WRN: variants seen among roughly 807,000 people sequenced by gnomAD.
WRN encodes WRN RecQ like helicase, also known as bifunctional 3'-5' exonuclease/ATP-dependent helicase WRN.
A neutral mutation model predicts 180.7 loss-of-function variants in WRN; 149 were observed. The ratio of observed to expected loss-of-function variants is 0.82; its 90% confidence interval spans 0.72 to 0.94. WRN has a LOEUF of 0.94. Among genes scored for constraint, WRN ranks in the 40% least tolerant of loss-of-function variants. WRN has a pLI of 0.00. For missense variants in WRN, 1,661 were observed against 1,700.1 expected (o/e 0.98, Z 0.40); for synonymous variants, 548 against 568.9 (o/e 0.96, Z 0.52).
At chr8:31,096,965 T>C (rs1464938258) in intron 17 of WRN, 115 bp downstream of exon 17, 5 of 960,420 alleles carry the variant, frequency 5.2e-6, no homozygotes, top group South Asian at 4.1e-5. Flanking sequence ...CATTACTTCC[T>C]CCAGGAAATC....
At chr8:31,120,097 G>A in intron 20 of WRN, 146 bp from the exon 21 acceptor site, 2 of 911,270 alleles carry the variant, frequency 2.2e-6, no homozygotes, top group Non-Finnish European at 3.5e-6. Context: ...CAGATAATCT[G>A]TAAATGATTG....
chr8:31,170,806 A>G (rs1302533936), intron 34 of WRN, among the ~76,000 whole-genome samples: 1 of 152,152 alleles, frequency 6.6e-6, no homozygotes, highest in Admixed American at 6.5e-5. Flanking sequence ...TCAAATACTT[A>G]TTGTTGACAC....
intron 34 of WRN, among the ~76,000 whole-genome samples, chr8:31,172,211 A>G (rs1233706756): frequency 6.6e-6 from 1 of 152,066 alleles, no homozygotes; most frequent in Non-Finnish European, 1.5e-5. Flanking sequence ...GCTGGAGTGC[A>G]GTGGCGTGAT....
intron 1 of WRN, among the ~76,000 whole-genome samples, chr8:31,052,093 C>T (rs1020667046): frequency 2.0e-5 from 3 of 152,124 alleles, no homozygotes; most frequent in African/African-American, 7.2e-5. Flanking sequence ...CCTGTAAGGC[C>T]TAGAATAGTT....
At chr8:31,157,247 G>C (rs1329028516) in intron 32 of WRN, 121 bp from the exon 33 acceptor site, 1 of 1,395,274 alleles carries the variant, frequency 7.2e-7, no homozygotes, top group South Asian at 1.2e-5. Flanking sequence ...TTAAGTAAAG[G>C]TTTAGTTCAT....
chr8:31,111,789 G>A lies in WRN; in HGVS notation c.2263G>A (p.Val755Ile), dbSNP rs769448856. Residue 755 changes from valine (V) to isoleucine (I), a missense_variant, in exon 19 of 35, where the codon GTC becomes ATC. Physicochemically the swap from Val to Ile is conservative, Grantham distance 29. Coordinates refer to ENST00000298139, the MANE Select transcript of WRN (RefSeq NM_000553.6). ...CCTTCAGGATCTGCAGCCATTTCTTGTCAAAACAAGGTAAGGATTTAATGG... is the reference window on the plus strand; with the variant it reads ...CCTTCAGGATCTGCAGCCATTTCTTATCAAAACAAGGTAAGGATTTAATGG... Reference protein sequence around the residue: ...NILQDLQPFLVKTSSHWEFEG... With the variant: ...NILQDLQPFLIKTSSHWEFEG... 73 of 1,612,698 alleles carry A rather than the reference G, an allele frequency of 4.5e-5. No individual in the cohort carries two copies. The highest frequency in any genetic ancestry group is 5.8e-5 in the Non-Finnish European group (69 of 1,179,632).
At chr8:31,041,524 A>C (rs1374929412) in intron 1 of WRN, among the ~76,000 whole-genome samples, 1 of 152,186 alleles carries the variant, frequency 6.6e-6, no homozygotes, top group African/African-American at 2.4e-5. Context: ...TTGACACATA[A>C]AATTAACCAC....
intron 7 of WRN, among the ~76,000 whole-genome samples, chr8:31,072,008 A>G (rs1045715574): frequency 1.3e-5 from 2 of 152,204 alleles, no homozygotes; most frequent in Admixed American, 1.3e-4. Flanking sequence ...CCTGTAAGAC[A>G]GCAAAGTGGA....
At chr8:31,109,566 T>G (rs1457194864) in intron 18 of WRN, among the ~76,000 whole-genome samples, 2 of 152,226 alleles carry the variant, frequency 1.3e-5, no homozygotes, top group Non-Finnish European at 2.9e-5. Flanking sequence ...TACTCATGTC[T>G]CTGAAGTTGT....
In WRN at chr8:31,173,158, A is replaced by G; in HGVS notation, c.*56A>G. The G allele has an allele frequency of 6.6e-7, 1 of 1,505,002 alleles. No individual in the cohort carries two copies. The highest frequency in any genetic ancestry group is 9.2e-7 in the Non-Finnish European group (1 of 1,084,474). 93.2% of individuals were successfully genotyped at this position (1,505,002 alleles called of 1,614,324 possible). On this transcript the variant is annotated 3_prime_UTR_variant, in exon 35 of 35. Transcript: ENST00000298139. ...TGCTGTATTATAAGAGGATAGCTAT[A>G]TTTTATTTCTGAAGAGTAAGGAGTA...
chr8:31,064,775 A>G (rs1812627305), intron 4 of WRN, 140 bp from the exon 5 acceptor site: 3 of 1,067,114 alleles, frequency 2.8e-6, no homozygotes, highest in Non-Finnish European at 4.1e-6. Flanking sequence ...TTAGTTAAGA[A>G]ATACTCAAGG....
At chr8:31,112,636 G>T (rs564828386) in intron 19 of WRN, among the ~76,000 whole-genome samples, 2 of 151,950 alleles carry the variant, frequency 1.3e-5, no homozygotes, top group African/African-American at 4.8e-5. Context: ...ACCCAGGCTG[G>T]AGTGCAGTGG....
chr8:31,157,621 C>T, intron 33 of WRN, 91 bp downstream of exon 33: 1 of 1,461,884 alleles, frequency 6.8e-7, no homozygotes, highest in East Asian at 2.3e-5. Context: ...AGCATTAATC[C>T]TTTATGCTAT....
At chr8:31,083,935 C>T (rs187913501) in intron 10 of WRN, among the ~76,000 whole-genome samples, 156 bp downstream of exon 10, 258 of 152,208 alleles carry the variant, frequency 1.7e-3, no homozygotes, top group Admixed American at 4.3e-3. Context: ...ATGTTTCTTT[C>T]ATGTAGTCTA....
chr8:31,125,591 A>G (rs1309902029), intron 23 of WRN, among the ~76,000 whole-genome samples: 1 of 106,318 alleles, frequency 9.4e-6, no homozygotes, highest in Non-Finnish European at 2.0e-5. Flanking sequence ...GGAAGAACAA[A>G]TATGGGGAGA....
At chr8:31,134,821 A>G (rs1193121505) in intron 24 of WRN, among the ~76,000 whole-genome samples, 1 of 152,210 alleles carries the variant, frequency 6.6e-6, no homozygotes, top group East Asian at 1.9e-4. Context: ...GGAGAGGATT[A>G]TCCATCCTGT....
chr8:31,116,274 A>C, intron 19 of WRN, 80 bp from the exon 20 acceptor site: 1 of 1,430,934 alleles, frequency 7.0e-7, no homozygotes, highest in Non-Finnish European at 9.6e-7. Context: ...GAAAGGAAGA[A>C]TTAAATAAGA....
intron 1 of WRN, among the ~76,000 whole-genome samples, chr8:31,046,290 A>G (rs1203258159): frequency 6.6e-6 from 1 of 152,176 alleles, no homozygotes. Flanking sequence ...TATTTATTTT[A>G]GGAGACTTTG....
chr8:31,125,106 C>G, intron 23 of WRN, 106 bp downstream of exon 23: 1 of 1,090,458 alleles, frequency 9.2e-7, no homozygotes, highest in Non-Finnish European at 1.4e-6. Flanking sequence ...GTTTTTTAAA[C>G]AAAACAATGA....
Sources: allele counts gnomAD v4.1 joint callset (sites outside exome capture counted in the v4.1 genomes callset), GRCh38; gene constraint gnomAD v4.1.1; transcripts MANE v1.5; gene names NCBI Gene and HGNC (gene_info 2026-07-23, HGNC 2026-07-21).